Variants in ANKS1B observed in about 807,000 individuals in gnomAD.
The protein encoded by ANKS1B is ankyrin repeat and sterile alpha motif domain-containing protein 1B.
Under a neutral mutation model 148.3 loss-of-function variants are expected in ANKS1B, and 36 were observed. That is an observed-to-expected ratio of 0.24 (90% CI 0.19 to 0.32). The LOEUF (loss-of-function observed/expected upper bound fraction) is 0.32. Among genes scored for constraint, ANKS1B ranks in the 10% least tolerant of loss-of-function variants. The pLI, the probability that ANKS1B is intolerant of heterozygous loss-of-function variation, is 1.00. For missense variants in ANKS1B, 1,157 were observed against 1,542.6 expected (o/e 0.75, Z 4.19); for synonymous variants, 542 against 560.8 (o/e 0.97, Z 0.47).
chr12:99,404,205 G>A (rs2094479459), intron 11 of ANKS1B, among the ~76,000 whole-genome samples: 1 of 145,662 alleles, frequency 6.9e-6, no homozygotes. Flanking sequence ...AGAGCATCAG[G>A]AAAAATAACT....
At chr12:98,743,085 C>G (rs758065639), downstream of ANKS1B, among the ~76,000 whole-genome samples, 1 of 152,162 alleles carries the variant, frequency 6.6e-6, no homozygotes, top group Non-Finnish European at 1.5e-5. Flanking sequence ...GATCACTTAT[C>G]AAATTTTCAT....
chr12:99,103,577 A>G lies in ANKS1B; in HGVS notation c.2527-18554T>C, dbSNP rs760256315. On this transcript the variant is annotated intron_variant, in intron 15 of 26. Coordinates refer to ENST00000683438, the MANE Select transcript of ANKS1B (RefSeq NM_001352186.2). Reference sequence around the variant, plus strand: ...TGTTATCTTATAAGCTAATTTAAATACTTCTTAAAACAAGGAAGGGATTCA... The same window carrying G: ...TGTTATCTTATAAGCTAATTTAAATGCTTCTTAAAACAAGGAAGGGATTCA... Among the ~76,000 whole-genome samples, 4 of 152,198 alleles carry G rather than the reference A, an allele frequency of 2.6e-5. 1 individual carries two copies. The highest frequency in any genetic ancestry group is 2.0e-4 in the Admixed American group (3 of 15,288).
chr12:99,854,363 T>G (rs1283887761), intron 1 of ANKS1B, among the ~76,000 whole-genome samples: 1 of 152,172 alleles, frequency 6.6e-6, no homozygotes, highest in Non-Finnish European at 1.5e-5. Context: ...GAGAAAAGAA[T>G]TTTTAAAAAG....
chr12:98,987,918 A>G (rs544529248), intron 17 of ANKS1B, among the ~76,000 whole-genome samples: 26 of 152,132 alleles, frequency 1.7e-4, no homozygotes, highest in Non-Finnish European at 3.5e-4. Flanking sequence ...ATGCCTAAAG[A>G]TCTTTTTCAG....
chr12:99,436,581 A>G (rs1242539653), intron 11 of ANKS1B, among the ~76,000 whole-genome samples: 1 of 152,008 alleles, frequency 6.6e-6, no homozygotes, highest in Non-Finnish European at 1.5e-5. Context: ...TATGTATTCT[A>G]TAACCCCACA....
intron 12 of ANKS1B, among the ~76,000 whole-genome samples, chr12:99,303,710 G>C (rs1287346176): frequency 6.6e-6 from 1 of 152,074 alleles, no homozygotes; most frequent in Non-Finnish European, 1.5e-5. Context: ...GGTGATTTCT[G>C]AGATTTTGGT....
At chr12:99,277,764 G>A (rs2077868856) in intron 12 of ANKS1B, among the ~76,000 whole-genome samples, 1 of 152,190 alleles carries the variant, frequency 6.6e-6, no homozygotes, top group African/African-American at 2.4e-5. Flanking sequence ...GGAACTCAGA[G>A]AAAAAGGTAA....
At chr12:99,369,804 A>G (rs200372855) in intron 12 of ANKS1B, among the ~76,000 whole-genome samples, 80 of 115,384 alleles carry the variant, frequency 6.9e-4, no homozygotes, top group South Asian at 1.1e-3. Context: ...ACGGACGGAC[A>G]GACGGACGGA....
At chr12:99,306,496 A>G (rs1033233504) in intron 12 of ANKS1B, among the ~76,000 whole-genome samples, 21 of 152,182 alleles carry the variant, frequency 1.4e-4, no homozygotes, top group African/African-American at 4.8e-4. Flanking sequence ...ACATAAGGGT[A>G]TTTGGAGCCC....
At chr12:99,780,015 T>A (rs1303918596) in intron 5 of ANKS1B, 43 bp from the exon 6 acceptor site, 2 of 1,309,508 alleles carry the variant, frequency 1.5e-6, no homozygotes, top group East Asian at 2.3e-5. Context: ...ACCACTGAAG[T>A]ATCCTCAAAA....
intron 1 of ANKS1B, among the ~76,000 whole-genome samples, chr12:99,982,543 A>G (rs942059366): frequency 6.6e-6 from 1 of 152,172 alleles, no homozygotes; most frequent in Non-Finnish European, 1.5e-5. Context: ...AGACATAATC[A>G]TTTTTATAAC....
At chr12:98,969,567 A>G (rs1038414266) in intron 17 of ANKS1B, among the ~76,000 whole-genome samples, 1 of 148,168 alleles carries the variant, frequency 6.7e-6, no homozygotes, top group Non-Finnish European at 1.5e-5. Context: ...GATTTTGTGA[A>G]AAAGAAATAT....
intron 1 of ANKS1B, among the ~76,000 whole-genome samples, chr12:99,867,247 A>G (rs1216203264): frequency 6.6e-6 from 1 of 152,116 alleles, no homozygotes; most frequent in East Asian, 1.9e-4. Context: ...ATGGCCTTAC[A>G]TCAAAATTAT....
intron 24 of ANKS1B, among the ~76,000 whole-genome samples, chr12:98,779,599 A>G (rs562912471): frequency 1.3e-5 from 2 of 151,772 alleles, no homozygotes; most frequent in Non-Finnish European, 2.9e-5. Flanking sequence ...CAATTTAGGG[A>G]AAAAAAAATC....
chr12:98,797,871 A>G (rs535244991), intron 22 of ANKS1B, among the ~76,000 whole-genome samples: 2 of 152,340 alleles, frequency 1.3e-5, no homozygotes, highest in Admixed American at 6.5e-5. Flanking sequence ...CATAAATAAA[A>G]GTTAGGATTG....
At chr12:99,298,500 C>A (rs1602561580) in intron 12 of ANKS1B, among the ~76,000 whole-genome samples, 4 of 152,256 alleles carry the variant, frequency 2.6e-5, no homozygotes, top group Non-Finnish European at 5.9e-5. Context: ...ACTGTGAGTC[C>A]ATTAAACCTC....
intron 17 of ANKS1B, among the ~76,000 whole-genome samples, chr12:98,962,387 A>ATT (rs900974597): frequency 2.0e-5 from 3 of 147,934 alleles, no homozygotes; most frequent in Non-Finnish European, 3.0e-5. Context: ...GGATATAACA[A>ATT]TTATATATAT....
intron 25 of ANKS1B, among the ~76,000 whole-genome samples, chr12:98,762,421 A>G (rs561792078): frequency 2.0e-4 from 30 of 152,336 alleles, no homozygotes; most frequent in African/African-American, 4.3e-4. Context: ...CCCAGAGGCC[A>G]GACTGCAGGG....
At chr12:99,093,272 A>T (rs2054711094) in intron 15 of ANKS1B, 1 of 152,232 alleles carries the variant, frequency 6.6e-6, no homozygotes, top group Non-Finnish European at 1.5e-5. Context: ...ACCTTAGTGT[A>T]TTCCAGAACC....
Sources: gnomAD v4.1 joint callset for allele counts (sites outside exome capture counted in the v4.1 genomes callset) on GRCh38, gnomAD v4.1.1 for gene constraint, MANE v1.5 for transcripts, NCBI Gene and HGNC (gene_info 2026-07-23, HGNC 2026-07-21) for gene names.